The following TTC28 variants were observed in gnomAD, a reference collection of about 807,000 sequenced individuals.
TTC28 encodes the protein tetratricopeptide repeat protein 28.
In TTC28, 61 loss-of-function variants were observed where a neutral mutation model predicts 198.0. The observed-to-expected ratio is 0.31, with a 90% CI of 0.25 to 0.38. TTC28 has a LOEUF of 0.38. Among genes scored for constraint, TTC28 ranks in the 10% least tolerant of loss-of-function variants. TTC28 has a pLI of 1.00. For synonymous variants in TTC28, 1,171 were observed against 1,297.8 expected (o/e 0.90, Z 2.10); for missense variants, 2,678 against 3,164.0 (o/e 0.85, Z 3.69).
chr22:28,628,274 T>C (rs1053248826), intron 2 of TTC28, among the ~76,000 whole-genome samples: 2 of 152,192 alleles, frequency 1.3e-5, no homozygotes, highest in Admixed American at 6.5e-5. Flanking sequence ...GTTAATGGGA[T>C]GAAATGGTTT....
At chr22:28,032,244 ATATAAAATATATATATATATATAGTGT>A (rs1939150724) in intron 12 of TTC28, among the ~76,000 whole-genome samples, 1 of 111,074 alleles carries the variant, frequency 9.0e-6, no homozygotes. Context: ...AAATATATAT[ATATAAAATATATATATATATATAGTGT>A]GTGTGTGTGT....
rs33998799 is a variant in TTC28 at position 28,569,151 on chromosome 22, CAAATAAATAAATAAAT to C, written c.381+60385_381+60400del. Reference sequence around the variant, plus strand: ...ACAAGAGTGAGACTCTGTTCTGTCTCAAATAAATAAATAAATAAATAAATAAATAAATAAATAAATA... The same window carrying C: ...ACAAGAGTGAGACTCTGTTCTGTCTCAAATAAATAAATAAATAAATAAATA... On this transcript the variant is annotated intron_variant, in intron 2 of 22. Coordinates refer to ENST00000397906, the MANE Select transcript of TTC28 (RefSeq NM_001145418.2). 3.7e-3 allele frequency among the ~76,000 whole-genome samples: 503 copies of C among 136,056 alleles called. 3 individuals carry two copies. The highest frequency in any genetic ancestry group is 5.2e-3 in the African/African-American group (190 of 36,484). 89.3% of individuals were successfully genotyped at this position (136,056 alleles called of 152,430 possible).
intron 2 of TTC28, among the ~76,000 whole-genome samples, chr22:28,574,831 G>A (rs2050121125): frequency 6.6e-6 from 1 of 152,054 alleles, no homozygotes; most frequent in African/African-American, 2.4e-5. Context: ...CTTCTTTTCA[G>A]AAATATCTAT....
intron 12 of TTC28, among the ~76,000 whole-genome samples, chr22:28,093,357 T>G (rs989110329): frequency 6.6e-6 from 1 of 152,176 alleles, no homozygotes; most frequent in African/African-American, 2.4e-5. Context: ...TGATACAAGC[T>G]AACATAGCAG....
chr22:28,132,190 G>C (rs1360706418), intron 6 of TTC28, among the ~76,000 whole-genome samples: 1 of 152,192 alleles, frequency 6.6e-6, no homozygotes, highest in Non-Finnish European at 1.5e-5. Context: ...TACGTGAATT[G>C]CTATAGATAC....
At chr22:28,560,839 C>A (rs1366198427) in intron 2 of TTC28, among the ~76,000 whole-genome samples, 1 of 151,178 alleles carries the variant, frequency 6.6e-6, no homozygotes, top group Admixed American at 6.6e-5. Context: ...TCACTCCAAC[C>A]TCCTCCTCCT....
chr22:28,263,292 C>T (rs764304210), intron 5 of TTC28, among the ~76,000 whole-genome samples: 13 of 152,048 alleles, frequency 8.5e-5, no homozygotes, highest in Non-Finnish European at 1.9e-4. Flanking sequence ...CCTCACTTTA[C>T]AGAGGAGTAA....
intron 2 of TTC28, among the ~76,000 whole-genome samples, chr22:28,369,062 C>G (rs2046289808): frequency 6.6e-6 from 1 of 151,972 alleles, no homozygotes; most frequent in Non-Finnish European, 1.5e-5. Flanking sequence ...CAATGGCATT[C>G]TTCACAGAAG....
At chr22:28,253,230 T>C (rs916706564) in intron 5 of TTC28, among the ~76,000 whole-genome samples, 3 of 152,184 alleles carry the variant, frequency 2.0e-5, no homozygotes, top group African/African-American at 7.2e-5. Flanking sequence ...TGAAAACAAT[T>C]GTTCAGACTT....
chr22:28,237,640 T>C (rs1929347774), intron 5 of TTC28, among the ~76,000 whole-genome samples: 1 of 152,192 alleles, frequency 6.6e-6, no homozygotes. Flanking sequence ...ATCTTCTAAA[T>C]AAAATCTTCA....
intron 2 of TTC28, among the ~76,000 whole-genome samples, chr22:28,493,565 A>T (rs117778347): frequency 6.6e-6 from 1 of 152,188 alleles, no homozygotes; most frequent in African/African-American, 2.4e-5. Context: ...GGAATGAAAT[A>T]ATTAGAATAT....
At chr22:28,585,599 C>G (rs1276526056) in intron 2 of TTC28, among the ~76,000 whole-genome samples, 2 of 152,060 alleles carry the variant, frequency 1.3e-5, no homozygotes, top group Non-Finnish European at 2.9e-5. Flanking sequence ...AGTCCGTGGC[C>G]CAGGGGTTGG....
intron 12 of TTC28, among the ~76,000 whole-genome samples, chr22:28,092,207 T>C (rs1941835709): frequency 3.9e-5 from 6 of 152,220 alleles, no homozygotes; most frequent in Admixed American, 3.9e-4. Flanking sequence ...TAATGAAAGT[T>C]CGCTTCCAAG....
rs1249618879 is a variant in TTC28 at position 28,107,746 on chromosome 22, A to T, written c.2099T>A (p.Leu700Gln). 1 of 1,551,956 alleles carries T rather than the reference A, an allele frequency of 6.4e-7. No homozygotes were observed. The highest frequency in any genetic ancestry group is 1.2e-5 in the South Asian group (1 of 84,062). Residue 700 changes from leucine (L) to glutamine (Q), a missense_variant, in exon 7 of 23, where the codon CTA becomes CAA. Leu to Gln is a moderately radical substitution (Grantham distance 113, BLOSUM62 -2). Around this residue, in one of 8 missense-constraint regions of TTC28, gnomAD observed 775 missense variants for 845.9 expected, o/e 0.92. Coordinates refer to ENST00000397906, the MANE Select transcript of TTC28 (RefSeq NM_001145418.2). ...FSKAEECQKYLLSLAQSLNNS... is the reference protein window; with the variant it reads ...FSKAEECQKYQLSLAQSLNNS... ...ATTCAGAGACTGGGCTAGGGACAGT[A>T]GGTACTTCTGACACTCTTCAGCTTT...
chr22:28,496,428 T>G (rs532323597), intron 2 of TTC28, among the ~76,000 whole-genome samples: 1 of 152,154 alleles, frequency 6.6e-6, no homozygotes, highest in African/African-American at 2.4e-5. Flanking sequence ...AGCCCATTCC[T>G]CCAATTATTC....
At chr22:28,001,131 TTA>T (rs1937668402) in intron 15 of TTC28, 1 of 478,498 alleles carries the variant, frequency 2.1e-6, no homozygotes, top group Non-Finnish European at 3.8e-6. Flanking sequence ...GCAAAGAAAC[TTA>T]GACATGACAC....
At chr22:28,609,102 C>G (rs998717031) in intron 2 of TTC28, among the ~76,000 whole-genome samples, 2 of 152,084 alleles carry the variant, frequency 1.3e-5, no homozygotes, top group African/African-American at 4.8e-5. Flanking sequence ...ACTGGACTTA[C>G]TAGACGAAGA....
At chr22:28,501,321 G>A (rs541831945) in intron 2 of TTC28, among the ~76,000 whole-genome samples, 2 of 151,924 alleles carry the variant, frequency 1.3e-5, no homozygotes, top group South Asian at 4.1e-4. Flanking sequence ...TTAATTATAT[G>A]AAGATGTGAT....
chr22:27,995,040 A>G (rs889721192), intron 17 of TTC28, among the ~76,000 whole-genome samples: 2 of 152,128 alleles, frequency 1.3e-5, no homozygotes, highest in Non-Finnish European at 2.9e-5. Context: ...AGGCCTGAGG[A>G]GACCCTAAGC....
Sources: allele counts gnomAD v4.1 joint callset (sites outside exome capture counted in the v4.1 genomes callset), GRCh38; gene constraint gnomAD v4.1.1; regional missense constraint gnomAD v4.1.1; transcripts MANE v1.5; gene names NCBI Gene and HGNC (gene_info 2026-07-23, HGNC 2026-07-21).